The following GRIK1 variants were observed in gnomAD, a reference collection of about 807,000 sequenced individuals.
GRIK1 encodes the protein glutamate ionotropic receptor kainate type subunit 1.
Under a neutral mutation model 105.7 loss-of-function variants are expected in GRIK1, and 69 were observed. That is an observed-to-expected ratio of 0.65 (90% CI 0.54 to 0.80). The LOEUF is 0.80. Ranked by LOEUF, GRIK1 falls within the 30% of genes least tolerant of loss-of-function variation. GRIK1 has a pLI of 0.00. For missense variants in GRIK1, 1,109 were observed against 1,167.3 expected, an observed-to-expected ratio of 0.95 and a Z score of 0.73; for synonymous variants, 438 against 431.3, an observed-to-expected ratio of 1.02 and a Z score of -0.19.
intron 16 of GRIK1, chr21:29,553,214 C>A (rs776219127): frequency 4.5e-5 from 45 of 992,902 alleles, no homozygotes; most frequent in East Asian, 1.1e-4. Flanking sequence ...ATCGTGTTTC[C>A]ATGCTTTGCC....
intron 4 of GRIK1, among the ~76,000 whole-genome samples, chr21:29,671,356 C>A (rs1302354938): frequency 6.6e-6 from 1 of 151,558 alleles, no homozygotes; most frequent in Non-Finnish European, 1.5e-5. Context: ...AACTCCTGAC[C>A]TCAAGTGATC....
At chr21:29,590,936 G>GT (rs2061323831) in intron 10 of GRIK1, among the ~76,000 whole-genome samples, 176 bp downstream of exon 10, 1 of 152,206 alleles carries the variant, frequency 6.6e-6, no homozygotes, top group Non-Finnish European at 1.5e-5. Flanking sequence ...AACAACGTTG[G>GT]AAGCGTCTAA....
intron 3 of GRIK1, among the ~76,000 whole-genome samples, chr21:29,683,749 G>A (rs1246821784): frequency 1.3e-5 from 2 of 152,112 alleles, no homozygotes; most frequent in Admixed American, 1.3e-4. Flanking sequence ...ACCTTCATAT[G>A]TACCCTTTAA....
chr21:29,837,533 C>A, intron 1 of GRIK1, among the ~76,000 whole-genome samples: 1 of 152,044 alleles, frequency 6.6e-6, no homozygotes, highest in East Asian at 1.9e-4. Context: ...ACTAGGCAAC[C>A]ACCAATGGGG....
intron 1 of GRIK1, among the ~76,000 whole-genome samples, chr21:29,898,987 G>A (rs1476567839): frequency 6.9e-6 from 1 of 144,732 alleles, no homozygotes; most frequent in Non-Finnish European, 1.5e-5. Context: ...AAAAAAAATT[G>A]TGAAAACATC....
At chr21:29,659,604 A>G (rs1248364385) in intron 4 of GRIK1, among the ~76,000 whole-genome samples, 1 of 152,178 alleles carries the variant, frequency 6.6e-6, no homozygotes, top group Non-Finnish European at 1.5e-5. Flanking sequence ...TTGTTCCAGT[A>G]GCTAAAAAAT....
At chr21:29,828,490 T>C (rs900750827) in intron 1 of GRIK1, among the ~76,000 whole-genome samples, 17 of 152,088 alleles carry the variant, frequency 1.1e-4, no homozygotes, top group Admixed American at 1.1e-3. Flanking sequence ...TTATGTATTT[T>C]CCTTAGTTCT....
chr21:29,563,505 C>G (rs2090535917), intron 14 of GRIK1, among the ~76,000 whole-genome samples: 1 of 152,086 alleles, frequency 6.6e-6, no homozygotes, highest in Admixed American at 6.5e-5. Context: ...TGCCACAGCC[C>G]CGGAGATATC....
intron 1 of GRIK1, among the ~76,000 whole-genome samples, chr21:29,904,198 C>T (rs1043676480): frequency 1.3e-5 from 2 of 151,982 alleles, no homozygotes; most frequent in African/African-American, 4.8e-5. Flanking sequence ...GTGCCGCAAA[C>T]CACCATGGCA....
intron 1 of GRIK1, among the ~76,000 whole-genome samples, chr21:29,837,832 T>A (rs1045972382): frequency 6.6e-6 from 1 of 152,196 alleles, no homozygotes; most frequent in Non-Finnish European, 1.5e-5. Context: ...AATAGTCTTA[T>A]ACAGTGTGGC....
chr21:29,807,262 C>G (rs1202199223), intron 1 of GRIK1, among the ~76,000 whole-genome samples: 1 of 152,238 alleles, frequency 6.6e-6, no homozygotes, highest in South Asian at 2.1e-4. Flanking sequence ...TGCCAACAAA[C>G]TGCCCCTTCC....
intron 1 of GRIK1, among the ~76,000 whole-genome samples, chr21:29,823,636 G>T (rs998135049): frequency 6.6e-6 from 1 of 151,790 alleles, no homozygotes; most frequent in African/African-American, 2.4e-5. Context: ...CTTGACCAAG[G>T]AGTACTCTTA....
In GRIK1 at chr21:29,609,274, A is replaced by T. The variant is rs113584370; in HGVS notation, c.1099-10337T>A. ...ATAAATGACACATTCTTTATATGGCACCTTATTCTCCCTGACCACTCAGAA... is the reference window on the plus strand; with the variant it reads ...ATAAATGACACATTCTTTATATGGCTCCTTATTCTCCCTGACCACTCAGAA... On this transcript the variant is annotated intron_variant, in intron 7 of 17. Coordinates refer to ENST00000327783, the MANE Select transcript of GRIK1 (RefSeq NM_001330994.2). Among the ~76,000 whole-genome samples the T allele has an allele frequency of 6.8e-3, 1,030 of 152,176 alleles. 12 individuals carry two copies. The highest frequency in any genetic ancestry group is 0.023 in the African/African-American group (967 of 41,536).
chr21:29,630,870 G>T, intron 7 of GRIK1: 1 of 310,770 alleles, frequency 3.2e-6, no homozygotes, highest in Non-Finnish European at 6.2e-6. Context: ...CGAGATCATG[G>T]CTGTTTGCAA....
intron 16 of GRIK1, among the ~76,000 whole-genome samples, chr21:29,542,298 T>C (rs1018859647): frequency 6.6e-6 from 1 of 152,200 alleles, no homozygotes; most frequent in African/African-American, 2.4e-5. Context: ...GTTTGTTTCT[T>C]TTTTAATTGC....
chr21:29,870,315 A>C (rs1234531064), intron 1 of GRIK1, among the ~76,000 whole-genome samples: 1 of 152,094 alleles, frequency 6.6e-6, no homozygotes, highest in Admixed American at 6.5e-5. Flanking sequence ...ATGACTAAAA[A>C]TGAAATGATT....
chr21:29,585,791 T>C (rs769034913), intron 12 of GRIK1, among the ~76,000 whole-genome samples: 8 of 152,206 alleles, frequency 5.3e-5, no homozygotes, highest in Non-Finnish European at 1.2e-4. Flanking sequence ...GAGTCACTAA[T>C]GAAAAATACC....
intron 1 of GRIK1, among the ~76,000 whole-genome samples, chr21:29,840,484 A>G (rs2145999240): frequency 6.6e-6 from 1 of 152,244 alleles, no homozygotes; most frequent in Non-Finnish European, 1.5e-5. Context: ...GGGGAGGATG[A>G]GGCACAACTG....
chr21:29,913,963 A>G (rs2146302181), intron 1 of GRIK1, among the ~76,000 whole-genome samples: 1 of 152,100 alleles, frequency 6.6e-6, no homozygotes, highest in South Asian at 2.1e-4. Context: ...CTTTTGCTAA[A>G]ATAATTCAAA....
Sources: gnomAD v4.1 joint callset for allele counts (sites outside exome capture counted in the v4.1 genomes callset) on GRCh38, gnomAD v4.1.1 for gene constraint, MANE v1.5 for transcripts, NCBI Gene and HGNC (gene_info 2026-07-23, HGNC 2026-07-21) for gene names.